CLOCK: variants seen among roughly 807,000 people sequenced by gnomAD.
CLOCK encodes the protein clock circadian regulator.
Under a neutral mutation model 118.4 loss-of-function variants are expected in CLOCK, and 43 were observed. The ratio of observed to expected loss-of-function variants is 0.36; its 90% confidence interval spans 0.28 to 0.47. The LOEUF (loss-of-function observed/expected upper bound fraction) is 0.47, where lower values mean the gene tolerates loss of function less well. Ranked by LOEUF, CLOCK falls within the 20% of genes least tolerant of loss-of-function variation. The pLI is 1.00. For missense variants in CLOCK, 846 were observed against 999.9 expected (o/e 0.85, Z 2.08); for synonymous variants, 326 against 339.2 (o/e 0.96, Z 0.43).
At chr4:55,436,953 A>T (rs1722929492) in intron 22 of CLOCK, among the ~76,000 whole-genome samples, 1 of 136,788 alleles carries the variant, frequency 7.3e-6, no homozygotes, top group African/African-American at 2.8e-5. Context: ...TCCTTGACAT[A>T]CTTAGAAGAC....
chr4:55,470,625 G>T, intron 8 of CLOCK, 92 bp downstream of exon 8: 1 of 882,360 alleles, frequency 1.1e-6, no homozygotes, highest in Non-Finnish European at 1.9e-6. Flanking sequence ...AACGACTGTT[G>T]TACACTGCTC....
At chr4:55,508,587 C>T (rs6838305) in intron 2 of CLOCK, among the ~76,000 whole-genome samples, 50,773 of 145,866 alleles carry the variant, frequency 0.35, 9,263 homozygotes, top group East Asian at 0.59. Flanking sequence ...AAGGGCCACA[C>T]GGGTAAATTT....
At chr4:55,537,959 C>T (rs184934640) in intron 1 of CLOCK, among the ~76,000 whole-genome samples, 33 of 151,992 alleles carry the variant, frequency 2.2e-4, no homozygotes, top group Admixed American at 1.3e-3. Context: ...AAGACCAGGG[C>T]GGAAATAAGA....
chr4:55,449,518 G>A (rs750710349), intron 16 of CLOCK, 22 bp from the exon 17 acceptor site: 2 of 1,542,852 alleles, frequency 1.3e-6, no homozygotes, highest in Non-Finnish European at 1.8e-6. Context: ...AAAATCAGAA[G>A]AGCATTAGTA....
Position 55,442,547 on chromosome 4 carries a change from T to C in CLOCK, c.1990A>G (p.Thr664Ala). Residue 664 changes from threonine (T) to alanine (A), a missense_variant, in exon 21 of 23, where the codon ACT becomes GCT. Physicochemically the swap from Thr to Ala is moderately conservative, Grantham distance 58. This residue lies in a region of CLOCK where 520 missense variants were observed against 558.0 expected (regional missense o/e 0.93). Coordinates refer to ENST00000513440, the MANE Select transcript of CLOCK (RefSeq NM_004898.4). ...GCTGCAGGCTGAGAAATCACCATAGTGTTATACAGTGGGGCTGTAAGAGTG... is the reference window on the plus strand; with the variant it reads ...GCTGCAGGCTGAGAAATCACCATAGCGTTATACAGTGGGGCTGTAAGAGTG... ...QSTLTAPLYN[T>A]MVISQPAAGS... 1.2e-6 allele frequency: 2 copies of C among 1,610,894 alleles called. No individual in the cohort carries two copies. The highest frequency in any genetic ancestry group is 1.7e-6 in the Non-Finnish European group (2 of 1,179,438).
At chr4:55,516,007 TG>T (rs1019177765) in intron 1 of CLOCK, among the ~76,000 whole-genome samples, 8 of 152,204 alleles carry the variant, frequency 5.3e-5, no homozygotes, top group African/African-American at 1.9e-4. Context: ...TTCAAGTATT[TG>T]GGGATTTTCC....
chr4:55,523,621 C>T (rs1450547665), intron 1 of CLOCK, among the ~76,000 whole-genome samples: 4 of 152,158 alleles, frequency 2.6e-5, no homozygotes, highest in East Asian at 3.9e-4. Flanking sequence ...CATCCATGCA[C>T]GAATCTGGAA....
At chr4:55,453,872 A>G in intron 13 of CLOCK, 48 bp from the exon 14 acceptor site, 1 of 1,396,970 alleles carries the variant, frequency 7.2e-7, no homozygotes, top group Non-Finnish European at 9.8e-7. Flanking sequence ...ATATTATATA[A>G]AGATTGTTTT....
chr4:55,435,332 T>C lies in CLOCK; in HGVS notation c.*83A>G, dbSNP rs1722793386. The C allele has an allele frequency of 6.6e-6, 10 of 1,522,946 alleles. No individual in the cohort carries two copies. In the East Asian group the frequency reaches 1.4e-4, roughly 21 times the overall value. 94.3% of individuals were successfully genotyped at this position (1,522,946 alleles called of 1,614,324 possible). A position where few individuals can be genotyped will look rare whatever the true frequency, so the allele number is the denominator to read the frequency against. ...GCATCTCATGAAACTGCTGGAACTT[T>C]CCCTCCTTTCCTCAGGTCATCTGAG... is the stretch of plus-strand genomic sequence containing the variant. On this transcript the variant is annotated 3_prime_UTR_variant, in exon 23 of 23. Transcript: ENST00000513440.
chr4:55,467,115 A>G (rs1327705859), intron 8 of CLOCK, among the ~76,000 whole-genome samples: 2 of 152,204 alleles, frequency 1.3e-5, no homozygotes. Flanking sequence ...AATATTTTTT[A>G]AAATGTCCAG....
rs1726482827 is a variant in CLOCK, at chr4:55,475,954, T to C, written c.348+9A>G. The C allele has an allele frequency of 3.1e-6, 5 of 1,591,426 alleles. No individual in the cohort carries two copies. The highest frequency in any genetic ancestry group is 1.3e-5 in the African/African-American group (1 of 74,612). On this transcript the variant is annotated intron_variant, in intron 7 of 22. Coordinates refer to ENST00000513440, the MANE Select transcript of CLOCK (RefSeq NM_004898.4). ...AAATAAAACTTTCAAAAATTAAATC[T>C]GGACATACCTCTAACATTAATTGTG...
At chr4:55,491,350 A>C (rs971812501) in intron 2 of CLOCK, among the ~76,000 whole-genome samples, 2 of 149,406 alleles carry the variant, frequency 1.3e-5, no homozygotes, top group East Asian at 4.0e-4. Context: ...AAATATGATT[A>C]GAGTAGAAAT....
intron 1 of CLOCK, among the ~76,000 whole-genome samples, chr4:55,511,087 C>T (rs1729118278): frequency 6.6e-6 from 1 of 152,110 alleles, no homozygotes; most frequent in South Asian, 2.1e-4. Context: ...CTGACCTTGC[C>T]ATGGATGGAT....
chr4:55,472,033 T>C (rs1726179359), intron 7 of CLOCK, among the ~76,000 whole-genome samples: 6 of 152,288 alleles, frequency 3.9e-5, no homozygotes, highest in Admixed American at 2.6e-4. Context: ...ACCATGTCAC[T>C]GCACTCCAGC....
rs1723426180 is a variant in CLOCK, at chr4:55,442,214, A to G, written c.2105+218T>C. The stretch of plus-strand genomic sequence containing the variant: ...TTTGTATTCTATAATATTTTGTAGC[A>G]TATTTTTGGACAAGAAAAAAAATTT... On this transcript the variant is annotated intron_variant, in intron 21 of 22. Coordinates refer to ENST00000513440, the MANE Select transcript of CLOCK (RefSeq NM_004898.4). 3.3e-5 allele frequency: 18 copies of G among 552,306 alleles called. No individual in the cohort carries two copies. In the South Asian group the frequency reaches 3.7e-4, roughly 11 times the overall value. 34.2% of individuals were successfully genotyped at this position (552,306 alleles called of 1,614,324 possible).
intron 9 of CLOCK, among the ~76,000 whole-genome samples, chr4:55,461,813 T>C (rs903656965): frequency 1.3e-5 from 2 of 152,168 alleles, no homozygotes; most frequent in African/African-American, 4.8e-5. Flanking sequence ...TTGTTTTTCC[T>C]TTTTTTGCAG....
intron 13 of CLOCK, among the ~76,000 whole-genome samples, chr4:55,455,486 C>G (rs1461428478): frequency 6.6e-6 from 1 of 152,094 alleles, no homozygotes; most frequent in Non-Finnish European, 1.5e-5. Flanking sequence ...CAGATAACAC[C>G]AAGCACTTAC....
chr4:55,513,508 A>T (rs998234683), intron 1 of CLOCK, among the ~76,000 whole-genome samples: 2 of 152,098 alleles, frequency 1.3e-5, no homozygotes, highest in African/African-American at 4.8e-5. Flanking sequence ...CTATTAAAAT[A>T]TTTGTCTATG....
intron 1 of CLOCK, among the ~76,000 whole-genome samples, chr4:55,516,651 G>A (rs887658064): frequency 1.1e-4 from 17 of 151,968 alleles, no homozygotes; most frequent in African/African-American, 3.9e-4. Flanking sequence ...CATCCACTCT[G>A]GCACTGTCTT....
Sources: allele counts gnomAD v4.1 joint callset (sites outside exome capture counted in the v4.1 genomes callset), GRCh38; gene constraint gnomAD v4.1.1; regional missense constraint gnomAD v4.1.1; transcripts MANE v1.5; gene names NCBI Gene and HGNC (gene_info 2026-07-23, HGNC 2026-07-21).